INPP4B: variants seen among roughly 807,000 people sequenced by gnomAD.
INPP4B encodes the protein inositol polyphosphate 4-phosphatase type II.
A neutral mutation model predicts 122.5 loss-of-function variants in INPP4B; 55 were observed. That is an observed-to-expected ratio of 0.45 (90% CI 0.36 to 0.56). The LOEUF (loss-of-function observed/expected upper bound fraction) is 0.56. Among genes scored for constraint, INPP4B ranks in the 20% least tolerant of loss-of-function variants. The probability of loss-of-function intolerance (pLI) is 0.00; values close to 1 mark genes in which losing one functional copy is unlikely to be tolerated. For missense variants in INPP4B, 1,000 were observed against 1,097.7 expected (o/e 0.91, Z 1.26); for synonymous variants, 403 against 388.7 (o/e 1.04, Z -0.43).
At chr4:142,290,196 T>C (rs13133815) in intron 9 of INPP4B, among the ~76,000 whole-genome samples, 5 of 54,662 alleles carry the variant, frequency 9.1e-5, no homozygotes, top group African/African-American at 4.4e-4. Context: ...TCTTTCTTCC[T>C]TTTTTTTTTT....
At chr4:142,449,676 G>T (rs1813719833) in intron 3 of INPP4B, among the ~76,000 whole-genome samples, 2 of 151,084 alleles carry the variant, frequency 1.3e-5, no homozygotes, top group South Asian at 4.2e-4. Flanking sequence ...CTCCAGCCTG[G>T]TGACAGAGCA....
chr4:142,623,170 C>T (rs1745356485), intron 2 of INPP4B, among the ~76,000 whole-genome samples: 1 of 151,944 alleles, frequency 6.6e-6, no homozygotes, highest in Non-Finnish European at 1.5e-5. Flanking sequence ...CGCAAATATA[C>T]ACAGAGTCTG....
chr4:142,236,862 C>A (rs1311753036), intron 12 of INPP4B, among the ~76,000 whole-genome samples: 5 of 152,072 alleles, frequency 3.3e-5, no homozygotes, highest in African/African-American at 9.7e-5. Context: ...TGGCAGGAAC[C>A]CAATTGCTAG....
At chr4:142,106,490 G>A (rs1787191136) in intron 23 of INPP4B, among the ~76,000 whole-genome samples, 3 of 152,004 alleles carry the variant, frequency 2.0e-5, no homozygotes, top group Admixed American at 6.6e-5. Context: ...CATGTTGCCC[G>A]GGCTAAAATT....
At chr4:142,073,175 A>G (rs1357172312) in intron 25 of INPP4B, among the ~76,000 whole-genome samples, 1 of 152,130 alleles carries the variant, frequency 6.6e-6, no homozygotes, top group East Asian at 1.9e-4. Flanking sequence ...TACAGTTTTG[A>G]TCCCCATAAT....
In INPP4B at chr4:142,469,232, A is replaced by G. The variant is rs186234193; in HGVS notation, c.-190-6506T>C. 3.9e-5 allele frequency among the ~76,000 whole-genome samples: 6 copies of G among 152,192 alleles called. No homozygotes were observed. The East Asian group carries it at 9.6e-4, about 24-fold the overall frequency. ...ATAGCTTTTCTATATAATAGCAAAA[A>G]ATAGAAAACAAAATTTCCAAAAGAA... On this transcript the variant is annotated intron_variant, in intron 2 of 25. Transcript: ENST00000262992.
At chr4:142,328,795 A>G (rs1040907008) in intron 7 of INPP4B, among the ~76,000 whole-genome samples, 2 of 152,220 alleles carry the variant, frequency 1.3e-5, no homozygotes, top group Non-Finnish European at 2.9e-5. Flanking sequence ...GTATAAACAT[A>G]TGCTCTTTGG....
intron 10 of INPP4B, among the ~76,000 whole-genome samples, chr4:142,262,653 A>T (rs1740657860): frequency 6.6e-6 from 1 of 152,016 alleles, no homozygotes; most frequent in Non-Finnish European, 1.5e-5. Context: ...TCTCTGGTTC[A>T]TTGCTGAATC....
intron 2 of INPP4B, among the ~76,000 whole-genome samples, chr4:142,718,468 T>G (rs1036313696): frequency 9.9e-5 from 15 of 151,944 alleles, no homozygotes; most frequent in Non-Finnish European, 2.1e-4. Flanking sequence ...TTCTAGAGAG[T>G]TAAGTATGGG....
chr4:142,323,550 A>G (rs897051248), intron 7 of INPP4B, among the ~76,000 whole-genome samples: 8 of 145,376 alleles, frequency 5.5e-5, no homozygotes, highest in African/African-American at 2.1e-4. Flanking sequence ...GTTTCACACC[A>G]TTCTCTTGCC....
chr4:142,382,538 CAT>C (rs1014572482), intron 7 of INPP4B, among the ~76,000 whole-genome samples: 14 of 130,430 alleles, frequency 1.1e-4, no homozygotes, highest in East Asian at 4.4e-4. Flanking sequence ...TACACATATA[CAT>C]ATATATATAT....
At chr4:142,382,553 T>A (rs1794496692) in intron 7 of INPP4B, among the ~76,000 whole-genome samples, 1 of 119,314 alleles carries the variant, frequency 8.4e-6, no homozygotes, top group South Asian at 2.3e-4. Flanking sequence ...ATATATATAT[T>A]TACATTTATG....
intron 2 of INPP4B, among the ~76,000 whole-genome samples, chr4:142,532,405 G>A (rs778186794): frequency 3.9e-5 from 6 of 152,022 alleles, no homozygotes; most frequent in Admixed American, 6.6e-5. Context: ...GTCTCTGGTC[G>A]TTCTGCTTTA....
chr4:142,530,828 A>G (rs1382364242), intron 2 of INPP4B, among the ~76,000 whole-genome samples: 2 of 151,968 alleles, frequency 1.3e-5, no homozygotes, highest in Non-Finnish European at 2.9e-5. Flanking sequence ...GAAATGTCTG[A>G]GCGAGCAAGA....
intron 1 of INPP4B, among the ~76,000 whole-genome samples, chr4:142,827,328 C>G (rs1781570614): frequency 6.6e-6 from 1 of 152,168 alleles, no homozygotes; most frequent in Non-Finnish European, 1.5e-5. Context: ...ATTTGCAGAA[C>G]TTAATTTTAT....
At chr4:142,168,703 C>T (rs1485655755) in intron 16 of INPP4B, among the ~76,000 whole-genome samples, 1 of 151,578 alleles carries the variant, frequency 6.6e-6, no homozygotes, top group Non-Finnish European at 1.5e-5. Context: ...ATATTTATTT[C>T]TGTGGACATG....
intron 25 of INPP4B, among the ~76,000 whole-genome samples, chr4:142,047,983 T>C (rs1441522581): frequency 1.3e-5 from 2 of 152,086 alleles, no homozygotes; most frequent in Non-Finnish European, 2.9e-5. Flanking sequence ...ACTAAATTCA[T>C]AAAAAGTCAA....
chr4:142,305,779 A>G (rs1458046676), intron 8 of INPP4B: 3 of 1,317,594 alleles, frequency 2.3e-6, no homozygotes. Context: ...AAATAACAAG[A>G]GGTAAAATAC....
At chr4:142,099,846 G>A (rs1252976804) in intron 23 of INPP4B, among the ~76,000 whole-genome samples, 1 of 152,036 alleles carries the variant, frequency 6.6e-6, no homozygotes, top group African/African-American at 2.4e-5. Flanking sequence ...AACATTCTGG[G>A]AAATTTCATC....
Sources: gnomAD v4.1 joint callset for allele counts (sites outside exome capture counted in the v4.1 genomes callset) on GRCh38, gnomAD v4.1.1 for gene constraint, MANE v1.5 for transcripts, NCBI Gene and HGNC (gene_info 2026-07-23, HGNC 2026-07-21) for gene names.